PDE7B: variants seen among roughly 807,000 people sequenced by gnomAD.
PDE7B encodes 3',5'-cyclic-AMP phosphodiesterase 7B.
A neutral mutation model predicts 56.2 loss-of-function variants in PDE7B; 29 were observed. That is an observed-to-expected ratio of 0.52 (90% CI 0.38 to 0.70). The LOEUF is 0.70. PDE7B is among the 30% of genes least tolerant of loss of function. The pLI, the probability that PDE7B is intolerant of heterozygous loss-of-function variation, is 0.00. For missense variants in PDE7B, 490 were observed against 565.0 expected, an observed-to-expected ratio of 0.87 and a Z score of 1.35; for synonymous variants, 197 against 196.9, an observed-to-expected ratio of 1.00 and a Z score of 0.00.
chr6:136,066,456 T>C (rs1341909916), intron 2 of PDE7B, among the ~76,000 whole-genome samples: 1 of 152,152 alleles, frequency 6.6e-6, no homozygotes, highest in African/African-American at 2.4e-5. Context: ...CCCACAAATA[T>C]GAGAGATTCA....
chr6:136,064,809 C>T (rs757883364), intron 2 of PDE7B, among the ~76,000 whole-genome samples: 11 of 152,172 alleles, frequency 7.2e-5, no homozygotes, highest in Non-Finnish European at 1.5e-4. Flanking sequence ...CCTTCATTCT[C>T]CTTCATGACA....
chr6:136,050,259 A>G (rs776831008), intron 2 of PDE7B, among the ~76,000 whole-genome samples: 7 of 152,230 alleles, frequency 4.6e-5, no homozygotes, highest in Non-Finnish European at 1.0e-4. Flanking sequence ...TTAGATGTTT[A>G]CATGTAAACC....
chr6:136,074,065 T>C (rs1777091191), intron 2 of PDE7B, among the ~76,000 whole-genome samples: 1 of 151,946 alleles, frequency 6.6e-6, no homozygotes, highest in African/African-American at 2.4e-5. Context: ...GTACTAAAAA[T>C]ACAAAAAAAT....
intron 1 of PDE7B, among the ~76,000 whole-genome samples, chr6:135,939,056 C>T (rs1774466016): frequency 6.6e-6 from 1 of 152,188 alleles, no homozygotes; most frequent in Non-Finnish European, 1.5e-5. Context: ...AGCTAACATT[C>T]TGTTCTTTGA....
intron 2 of PDE7B, among the ~76,000 whole-genome samples, chr6:135,994,704 A>G (rs1775533764): frequency 6.6e-6 from 1 of 152,224 alleles, no homozygotes; most frequent in South Asian, 2.1e-4. Flanking sequence ...GCACTTATTG[A>G]GGATCTAGCA....
rs770055930 is a variant in PDE7B, at chr6:135,915,090, T to TTA, written c.22-32374_22-32373insTA. Among the ~76,000 whole-genome samples, 280 of 142,560 alleles carry TTA rather than the reference T, an allele frequency of 2.0e-3. 1 individual carries two copies. Among genetic ancestry groups the TTA allele is most frequent in the African/African-American group, 6.4e-3 (252 of 39,360 alleles). The allele number at this position is 142,560 out of a possible 152,430, so 93.5% of individuals were successfully genotyped here. On this transcript the variant is annotated intron_variant, in intron 1 of 12. Transcript: ENST00000308191. ...CCTGGGCTACAGAGCGAGACTCCAT[T>TTA]AAAAAAAAAAAAAGGATTTATTCCT...
Position 136,146,661 on chromosome 6 carries a change from A to G in PDE7B, c.167-690A>G, listed in dbSNP as rs142790226. On this transcript the variant is annotated intron_variant, in intron 3 of 12. Coordinates refer to ENST00000308191, the MANE Select transcript of PDE7B (RefSeq NM_018945.4). ...TGGAAAAATTCATCATACAAGTAAC[A>G]GTGTGGGATGAGAACTTGGCCTAAA... 1.8e-3 allele frequency among the ~76,000 whole-genome samples: 269 copies of G among 152,340 alleles called. 1 individual carries two copies. Among genetic ancestry groups the G allele is most frequent in the African/African-American group, 6.1e-3 (253 of 41,588 alleles).
chr6:136,041,067 T>C (rs1776404672), intron 2 of PDE7B, among the ~76,000 whole-genome samples: 1 of 152,218 alleles, frequency 6.6e-6, no homozygotes, highest in Non-Finnish European at 1.5e-5. Flanking sequence ...TGACTGCTTG[T>C]GGTAATGAAT....
intron 1 of PDE7B, among the ~76,000 whole-genome samples, chr6:135,885,196 G>A (rs998236598): frequency 1.3e-5 from 2 of 152,118 alleles, no homozygotes; most frequent in Middle Eastern, 6.8e-3. Context: ...CCTACTCTTA[G>A]AGCCAAATAT....
At position 135,889,660 on chromosome 6, in the gene PDE7B, C is replaced by T. The variant is rs1360614851; in HGVS notation, c.21+37641C>T. Among the ~76,000 whole-genome samples the T allele has an allele frequency of 4.8e-5, 7 of 145,404 alleles. No homozygotes were observed. In the East Asian group the frequency reaches 1.2e-3, roughly 25 times the overall value. ...TTTGCCTTGTTGGTCAGGCTGGTCT[C>T]GAACTCCTGACCTCAGGTTATCCGC... On this transcript the variant is annotated intron_variant, in intron 1 of 12. Coordinates refer to ENST00000308191, the MANE Select transcript of PDE7B (RefSeq NM_018945.4).
At chr6:136,050,931 C>G (rs868272514) in intron 2 of PDE7B, among the ~76,000 whole-genome samples, 4 of 152,130 alleles carry the variant, frequency 2.6e-5, no homozygotes, top group African/African-American at 9.7e-5. Context: ...TCCTCTCAGA[C>G]GCTTCCCAGG....
At chr6:136,134,974 G>A (rs1425055418) in intron 3 of PDE7B, among the ~76,000 whole-genome samples, 1 of 151,650 alleles carries the variant, frequency 6.6e-6, no homozygotes, top group Non-Finnish European at 1.5e-5. Flanking sequence ...AAAAAAATAA[G>A]CATGTTAAAA....
At chr6:136,185,806 T>C (rs1779136592) in intron 11 of PDE7B, among the ~76,000 whole-genome samples, 1 of 152,072 alleles carries the variant, frequency 6.6e-6, no homozygotes, top group Admixed American at 6.5e-5. Flanking sequence ...ATATGTAAAA[T>C]GCTTAGAACG....
intron 11 of PDE7B, among the ~76,000 whole-genome samples, chr6:136,184,089 C>T (rs1264400624): frequency 1.3e-5 from 2 of 152,112 alleles, no homozygotes; most frequent in Admixed American, 6.5e-5. Context: ...TTGTCTAATC[C>T]TCAACAAAAC....
At chr6:136,012,128 C>G (rs1369794544) in intron 2 of PDE7B, among the ~76,000 whole-genome samples, 5 of 152,170 alleles carry the variant, frequency 3.3e-5, no homozygotes, top group Non-Finnish European at 7.4e-5. Context: ...CTCTCAGCAC[C>G]CCTCCCCAGA....
chr6:135,904,420 T>C (rs552607707), intron 1 of PDE7B, among the ~76,000 whole-genome samples: 2 of 152,150 alleles, frequency 1.3e-5, no homozygotes, highest in Non-Finnish European at 2.9e-5. Context: ...GCTTATGTAC[T>C]TGCTCTTGCA....
intron 9 of PDE7B, among the ~76,000 whole-genome samples, chr6:136,177,440 A>G (rs1053270717): frequency 1.3e-5 from 2 of 152,232 alleles, no homozygotes; most frequent in African/African-American, 2.4e-5. Flanking sequence ...AAATATGCAA[A>G]GAACCTCAGA....
intron 1 of PDE7B, among the ~76,000 whole-genome samples, chr6:135,886,062 C>A (rs1000977677): frequency 1.3e-5 from 2 of 152,150 alleles, no homozygotes; most frequent in African/African-American, 2.4e-5. Context: ...TATCAACCCC[C>A]GTCACATTTT....
At chr6:135,924,617 C>CTCTT (rs757490280) in intron 1 of PDE7B, among the ~76,000 whole-genome samples, 1,422 of 49,574 alleles carry the variant, frequency 0.029, 47 homozygotes, top group East Asian at 0.083. Flanking sequence ...CTCTCTCTCT[C>CTCTT]TTTTTTTTTT....
Sources: gnomAD v4.1 joint callset for allele counts (sites outside exome capture counted in the v4.1 genomes callset) on GRCh38, gnomAD v4.1.1 for gene constraint, MANE v1.5 for transcripts, NCBI Gene and HGNC (gene_info 2026-07-23, HGNC 2026-07-21) for gene names.